Variants in KLF12 observed in about 807,000 individuals in gnomAD.
The protein encoded by KLF12 is Krueppel-like factor 12.
In KLF12, 9 loss-of-function variants were observed where a neutral mutation model predicts 37.8. That is an observed-to-expected ratio of 0.24 (90% confidence interval 0.14 to 0.42). The LOEUF is 0.42. KLF12 is among the 10% of genes least tolerant of loss of function. The pLI is 1.00. For missense variants in KLF12, 411 were observed against 516.0 expected (o/e 0.80, Z 1.97); for synonymous variants, 208 against 202.1 (o/e 1.03, Z -0.25).
chr13:73,996,355 G>C (rs1465952814), intron 1 of KLF12, among the ~76,000 whole-genome samples: 2 of 152,136 alleles, frequency 1.3e-5, no homozygotes, highest in African/African-American at 4.8e-5. Context: ...TACTTAAAAA[G>C]TCACCTAACA....
At chr13:73,925,688 T>C (rs1386119891) in intron 3 of KLF12, among the ~76,000 whole-genome samples, 2 of 152,172 alleles carry the variant, frequency 1.3e-5, no homozygotes, top group African/African-American at 4.8e-5. Context: ...TAGATAATGA[T>C]TACTTTGATG....
chr13:73,995,966 C>T (rs1244433233), intron 1 of KLF12, among the ~76,000 whole-genome samples: 3 of 152,158 alleles, frequency 2.0e-5, no homozygotes, highest in Non-Finnish European at 2.9e-5. Flanking sequence ...TTCTCAGCAG[C>T]GCCCATTCTG....
chr13:73,826,953 T>C (rs901649948), intron 4 of KLF12, among the ~76,000 whole-genome samples: 3 of 152,136 alleles, frequency 2.0e-5, no homozygotes, highest in African/African-American at 7.2e-5. Flanking sequence ...GGTTAACTTT[T>C]GTATTTTTTG....
the KLF12 span, among the ~76,000 whole-genome samples, chr13:74,209,430 C>T: frequency 1.1e-4 from 17 of 151,846 alleles, no homozygotes; most frequent in Non-Finnish European, 2.5e-4. Context: ...ACTAAATACT[C>T]TGTACACTGA....
intron 1 of KLF12, among the ~76,000 whole-genome samples, chr13:74,051,733 A>T (rs1405767448): frequency 1.3e-5 from 2 of 152,196 alleles, no homozygotes; most frequent in Non-Finnish European, 2.9e-5. Context: ...GGATCAAGTA[A>T]AAAGGAAAGG....
At chr13:73,701,920 C>T (rs963420959) in intron 7 of KLF12, among the ~76,000 whole-genome samples, 1 of 152,086 alleles carries the variant, frequency 6.6e-6, no homozygotes, top group Non-Finnish European at 1.5e-5. Flanking sequence ...ACTAGGAAAA[C>T]TTCTGAAAAA....
chr13:74,156,473 A>T, the KLF12 span, among the ~76,000 whole-genome samples: 3 of 152,228 alleles, frequency 2.0e-5, no homozygotes, highest in Non-Finnish European at 4.4e-5. Context: ...TTATCCTTTG[A>T]GTTACAAACA....
the KLF12 span, among the ~76,000 whole-genome samples, chr13:74,279,402 T>A: frequency 6.6e-6 from 1 of 152,124 alleles, no homozygotes; most frequent in Non-Finnish European, 1.5e-5. Flanking sequence ...TCCCCAAAAC[T>A]AACCATGCAT....
chr13:74,209,051 G>T, the KLF12 span, among the ~76,000 whole-genome samples: 1 of 151,890 alleles, frequency 6.6e-6, no homozygotes, highest in Non-Finnish European at 1.5e-5. Context: ...CAGTATACTA[G>T]ATTTTGTGGC....
intron 3 of KLF12, among the ~76,000 whole-genome samples, chr13:73,864,626 T>C (rs1225656517): frequency 6.6e-6 from 1 of 152,106 alleles, no homozygotes; most frequent in Non-Finnish European, 1.5e-5. Context: ...TCCAAAATAT[T>C]CAATCCAAAA....
chr13:73,922,262 G>A (rs747981722), intron 3 of KLF12, among the ~76,000 whole-genome samples: 2 of 151,944 alleles, frequency 1.3e-5, no homozygotes, highest in Non-Finnish European at 2.9e-5. Flanking sequence ...CCAAAGTGGC[G>A]TTTGCTTTTT....
the KLF12 span, among the ~76,000 whole-genome samples, chr13:74,299,230 G>A: frequency 6.6e-6 from 1 of 152,152 alleles, no homozygotes; most frequent in South Asian, 2.1e-4. Flanking sequence ...AGGTCTGACA[G>A]GAAGGTGGAG....
At chr13:73,913,268 T>C (rs777500465) in intron 3 of KLF12, among the ~76,000 whole-genome samples, 2 of 152,196 alleles carry the variant, frequency 1.3e-5, no homozygotes, top group Admixed American at 1.3e-4. Flanking sequence ...TAGTCATCAG[T>C]TTGGTAGTCA....
chr13:73,767,191 G>A (rs1879970637), intron 5 of KLF12, among the ~76,000 whole-genome samples: 1 of 151,924 alleles, frequency 6.6e-6, no homozygotes, highest in Admixed American at 6.6e-5. Context: ...ATGTTTTTTT[G>A]AGCTCAGTCT....
In KLF12 at chr13:73,850,313, G is replaced by A. The variant is rs74095858; in HGVS notation, c.124-3940C>T. The stretch of plus-strand genomic sequence containing the variant: ...AATTACATTTGAGGTTTTCTAATCA[G>A]ATAACTTTTTTTTCCTGAATAAACA... On this transcript the variant is annotated intron_variant, in intron 3 of 7. Coordinates refer to ENST00000377669, the MANE Select transcript of KLF12 (RefSeq NM_007249.5). Among the ~76,000 whole-genome samples, 164 of 152,134 alleles carry A rather than the reference G, an allele frequency of 1.1e-3. 2 individuals are homozygous for A. The highest frequency in any genetic ancestry group is 3.4e-3 in the African/African-American group (143 of 41,518).
the KLF12 span, chr13:74,257,674 T>G: frequency 6.6e-6 from 1 of 152,174 alleles, no homozygotes; most frequent in Non-Finnish European, 1.5e-5. Context: ...GATACGGAAA[T>G]TAATTCAGTT....
intron 1 of KLF12, among the ~76,000 whole-genome samples, chr13:74,037,962 C>A (rs973449796): frequency 1.3e-5 from 2 of 152,112 alleles, no homozygotes; most frequent in Non-Finnish European, 2.9e-5. Context: ...AACAGTAGCA[C>A]AGGAAGCCTT....
At chr13:73,830,354 G>C (rs570809518) in intron 4 of KLF12, among the ~76,000 whole-genome samples, 1 of 152,172 alleles carries the variant, frequency 6.6e-6, no homozygotes, top group African/African-American at 2.4e-5. Context: ...ATAAATAATA[G>C]AGAACTACAA....
At chr13:73,847,561 T>A (rs989418442) in intron 3 of KLF12, among the ~76,000 whole-genome samples, 6 of 152,164 alleles carry the variant, frequency 3.9e-5, no homozygotes, top group African/African-American at 1.4e-4. Flanking sequence ...ACGGGCATTT[T>A]ACTCAGCAAC....
Sources: allele counts gnomAD v4.1 joint callset (sites outside exome capture counted in the v4.1 genomes callset), GRCh38; gene constraint gnomAD v4.1.1; transcripts MANE v1.5; gene names NCBI Gene and HGNC (gene_info 2026-07-23, HGNC 2026-07-21).